The following MROH2B variants were observed in gnomAD, a reference collection of about 807,000 sequenced individuals.
MROH2B encodes the protein maestro heat-like repeat-containing protein family member 2B.
A neutral mutation model predicts 208.6 loss-of-function variants in MROH2B; 177 were observed. The observed-to-expected ratio is 0.85, with a 90% CI of 0.75 to 0.96. The LOEUF is 0.96. Among genes scored for constraint, MROH2B ranks in the 40% least tolerant of loss-of-function variants. The pLI, the probability that MROH2B is intolerant of heterozygous loss-of-function variation, is 0.00. For missense variants in MROH2B, 2,002 were observed against 1,878.7 expected, an observed-to-expected ratio of 1.07 and a Z score of -1.21; for synonymous variants, 728 against 659.0, an observed-to-expected ratio of 1.10 and a Z score of -1.60.
At chr5:41,029,580 G>A (rs1010067918) in intron 24 of MROH2B, among the ~76,000 whole-genome samples, 3 of 152,082 alleles carry the variant, frequency 2.0e-5, no homozygotes, top group Admixed American at 2.0e-4. Flanking sequence ...ACATGCGAAA[G>A]AATTAAGTTG....
At chr5:41,035,126 A>G (rs926789663) in intron 21 of MROH2B, among the ~76,000 whole-genome samples, 19 of 152,136 alleles carry the variant, frequency 1.2e-4, no homozygotes, top group African/African-American at 4.3e-4. Context: ...ACAACGAAAA[A>G]AAGCCTGCAT....
chr5:41,003,497 T>C (rs1334632848), intron 37 of MROH2B, among the ~76,000 whole-genome samples: 1 of 152,156 alleles, frequency 6.6e-6, no homozygotes, highest in Non-Finnish European at 1.5e-5. Flanking sequence ...AGGTTGGATT[T>C]GAGAGGTAAT....
intron 6 of MROH2B, among the ~76,000 whole-genome samples, chr5:41,059,263 G>C (rs1201841121): frequency 2.6e-5 from 4 of 151,982 alleles, no homozygotes; most frequent in African/African-American, 9.7e-5. Context: ...AACTTCCAGA[G>C]TATGAAATAT....
At chr5:40,999,828 G>T in intron 39 of MROH2B, 49 bp from the exon 40 acceptor site, 1 of 1,555,668 alleles carries the variant, frequency 6.4e-7, no homozygotes, top group Non-Finnish European at 8.8e-7. Context: ...GTGAACCTTT[G>T]TGACATTTGG....
intron 41 of MROH2B, 121 bp from the exon 42 acceptor site, chr5:40,998,279 C>T: frequency 1.4e-6 from 1 of 694,398 alleles, no homozygotes; most frequent in Non-Finnish European, 2.5e-6. Context: ...GGCTCAGGTC[C>T]TCATGCTCAC....
At chr5:41,059,586 G>T (rs989054636) in intron 6 of MROH2B, among the ~76,000 whole-genome samples, 3 of 152,008 alleles carry the variant, frequency 2.0e-5, no homozygotes, top group Admixed American at 6.6e-5. Flanking sequence ...GTATTAGCTG[G>T]GTGGTTCTTC....
At chr5:41,049,824 T>C (rs1743233740) in intron 13 of MROH2B, among the ~76,000 whole-genome samples, 1 of 152,184 alleles carries the variant, frequency 6.6e-6, no homozygotes, top group Non-Finnish European at 1.5e-5. Flanking sequence ...GATTGGAGTG[T>C]GACTTCCCCA....
At chr5:41,000,589 C>G in intron 38 of MROH2B, 89 bp downstream of exon 38, 6 of 1,470,822 alleles carry the variant, frequency 4.1e-6, no homozygotes, top group Non-Finnish European at 5.4e-6. Context: ...GACTTTAGAT[C>G]TGGCTCCTGG....
chr5:41,051,137 G>T lies in MROH2B; in HGVS notation c.1231-47C>A, dbSNP rs762624083. ...TGACTTGTTAATGACTCCTAAGGTT[G>T]GTCCCCTCTGACTTTCCTTGGGTGT... On this transcript the variant is annotated intron_variant, in intron 12 of 41. Coordinates refer to ENST00000399564, the MANE Select transcript of MROH2B (RefSeq NM_173489.5). The T allele has an allele frequency of 4.7e-6, 6 of 1,287,698 alleles. No homozygotes were observed. In the South Asian group the frequency reaches 8.8e-5, roughly 19 times the overall value. 79.8% of individuals were successfully genotyped at this position (1,287,698 alleles called of 1,614,324 possible). A position where few individuals can be genotyped will look rare whatever the true frequency, so the allele number is the denominator to read the frequency against.
chr5:41,034,692 G>C (rs1742696128), intron 21 of MROH2B, among the ~76,000 whole-genome samples: 1 of 151,988 alleles, frequency 6.6e-6, no homozygotes, highest in Non-Finnish European at 1.5e-5. Flanking sequence ...AGTTAATACA[G>C]AGGAAACCCT....
intron 34 of MROH2B, 24 bp downstream of exon 34, chr5:41,007,290 G>T: frequency 7.4e-7 from 1 of 1,356,030 alleles, no homozygotes; most frequent in Non-Finnish European, 9.6e-7. Context: ...CTTTGTATCT[G>T]GTTCTAGAAA....
chr5:41,003,307 A>C (rs373191627), intron 37 of MROH2B, among the ~76,000 whole-genome samples: 6 of 152,156 alleles, frequency 3.9e-5, no homozygotes, highest in African/African-American at 1.4e-4. Context: ...AAACAAGCAG[A>C]AAGATGTTTT....
chr5:41,071,126 G>T lies in MROH2B; in HGVS notation c.-274C>A, dbSNP rs932368373. The stretch of plus-strand genomic sequence containing the variant: ...AAATGGCTGCATCTCACCAAATATT[G>T]TCCCTTTGGTGACCAGAGTATTTGG... On this transcript the variant is annotated 5_prime_UTR_variant, in exon 1 of 42. Coordinates refer to ENST00000399564, the MANE Select transcript of MROH2B (RefSeq NM_173489.5). 2.7e-4 allele frequency: 106 copies of T among 392,090 alleles called. No homozygotes were observed. Among genetic ancestry groups the T allele is most frequent in the Non-Finnish European group, 3.9e-4 (84 of 217,228 alleles). The allele number at this position is 392,090 out of a possible 1,614,324, so 24.3% of individuals were successfully genotyped here.
At position 41,057,157 on chromosome 5, in the gene MROH2B, G is replaced by C. The variant is rs1470774715; in HGVS notation, c.871C>G (p.Pro291Ala). ...LQQICRAPEP[P>A]VKENEMKASS... ...GCTTTCATTTCATTTTCCTTTACTG[G>C]AGGCTCTGGAGCTCTGCAGATCTGA... The change falls in exon 9 of 42, where the codon CCA becomes GCA. Residue 291 changes from proline to alanine, a missense_variant. By Grantham distance (27) the Pro-to-Ala change is conservative (BLOSUM62 -1). Transcript: ENST00000399564. 6.2e-7 allele frequency: 1 copy of C among 1,613,958 alleles called. No individual in the cohort carries two copies. Among genetic ancestry groups the C allele is most frequent in the Non-Finnish European group, 8.5e-7 (1 of 1,179,878 alleles).
chr5:41,030,310 T>C (rs1742520694), intron 24 of MROH2B, among the ~76,000 whole-genome samples: 1 of 151,630 alleles, frequency 6.6e-6, no homozygotes, highest in Non-Finnish European at 1.5e-5. Flanking sequence ...AAGTTTTGGG[T>C]CACAAAAATC....
chr5:41,058,608 C>G (rs142458708), intron 6 of MROH2B, among the ~76,000 whole-genome samples: 6,436 of 152,168 alleles, frequency 0.042, 154 homozygotes, highest in Middle Eastern at 0.068. Flanking sequence ...CAGGTGCCCA[C>G]CAGCATGCCT....
In MROH2B at chr5:41,042,078, G is replaced by C; in HGVS notation, c.1953+14C>G. ...TTATCATCATAAGAGGAAATTGAGA[G>C]CAAGGGGTCCCACCTGTCTTTGATC... On this transcript the variant is annotated intron_variant, in intron 19 of 41. Coordinates refer to ENST00000399564, the MANE Select transcript of MROH2B (RefSeq NM_173489.5). The C allele has an allele frequency of 6.8e-7, 1 of 1,470,142 alleles. No individual in the cohort carries two copies. Among genetic ancestry groups the C allele is most frequent in the Non-Finnish European group, 9.4e-7 (1 of 1,066,522 alleles). 91.1% of individuals were successfully genotyped at this position (1,470,142 alleles called of 1,614,324 possible).
chr5:41,060,390 C>T (rs1743598743), intron 6 of MROH2B, among the ~76,000 whole-genome samples: 1 of 152,114 alleles, frequency 6.6e-6, no homozygotes, highest in Admixed American at 6.5e-5. Context: ...AAAAAAAGTC[C>T]AAACTTGTAT....
chr5:41,008,140 T>A (rs1281944295), intron 33 of MROH2B, among the ~76,000 whole-genome samples: 1 of 152,218 alleles, frequency 6.6e-6, no homozygotes, highest in Non-Finnish European at 1.5e-5. Context: ...AATAAAAATT[T>A]TAAAGTTTAA....
Sources: allele counts gnomAD v4.1 joint callset (sites outside exome capture counted in the v4.1 genomes callset), GRCh38; gene constraint gnomAD v4.1.1; transcripts MANE v1.5; gene names NCBI Gene and HGNC (gene_info 2026-07-23, HGNC 2026-07-21).